Variants in CENPP observed in about 807,000 individuals in gnomAD.
The protein encoded by CENPP is centromere protein P.
CENPP carries 24 observed loss-of-function variants against 35.6 expected under a neutral mutation model. The observed-to-expected ratio is 0.67, with a 90% CI of 0.49 to 0.95. CENPP has a LOEUF of 0.95. Among genes scored for constraint, CENPP ranks in the 40% least tolerant of loss-of-function variants. The pLI is 0.00. For synonymous variants in CENPP, 120 were observed against 125.5 expected (o/e 0.96, Z 0.29); for missense variants, 332 against 345.3 (o/e 0.96, Z 0.31).
At chr9:92,533,171 G>A (rs1008478507) in intron 5 of CENPP, among the ~76,000 whole-genome samples, 17 of 150,226 alleles carry the variant, frequency 1.1e-4, no homozygotes, top group African/African-American at 3.7e-4. Flanking sequence ...GTGGTGGCAC[G>A]CGCGTGTAGT....
At chr9:92,557,659 T>A (rs1378838816) in intron 5 of CENPP, among the ~76,000 whole-genome samples, 1 of 152,162 alleles carries the variant, frequency 6.6e-6, no homozygotes, top group Non-Finnish European at 1.5e-5. Context: ...TTGTTTGTGT[T>A]TTGAGACAGA....
At chr9:92,405,825 T>G (rs893964343) in intron 5 of CENPP, among the ~76,000 whole-genome samples, 1 of 152,228 alleles carries the variant, frequency 6.6e-6, no homozygotes, top group Non-Finnish European at 1.5e-5. Context: ...TTATGACCAG[T>G]GAATACAATG....
intron 5 of CENPP, among the ~76,000 whole-genome samples, chr9:92,532,025 T>TTTG (rs1563990286): frequency 6.4e-5 from 8 of 125,828 alleles, no homozygotes. Context: ...GTTTTTTTTT[T>TTTG]TTTATTTTAT....
chr9:92,492,622 C>A, intron 5 of CENPP, among the ~76,000 whole-genome samples: 1 of 152,198 alleles, frequency 6.6e-6, no homozygotes, highest in East Asian at 1.9e-4. Context: ...GTAACACCTG[C>A]CATACCACAT....
intron 5 of CENPP, among the ~76,000 whole-genome samples, chr9:92,519,290 C>CT (rs1237607044): frequency 6.6e-6 from 1 of 152,116 alleles, no homozygotes; most frequent in Non-Finnish European, 1.5e-5. Context: ...TTTCCATGGC[C>CT]TTTTTTTGCA....
chr9:92,552,049 G>T lies in CENPP; in HGVS notation c.565-59265G>T, dbSNP rs1049453554. On this transcript the variant is annotated intron_variant, in intron 5 of 7. Coordinates refer to ENST00000375587, the MANE Select transcript of CENPP (RefSeq NM_001012267.3). ...ATCTATCATATATGTGATATTATAG[G>T]TCTATCATATATGTGATATGATAGA... is the stretch of plus-strand genomic sequence containing the variant. Among the ~76,000 whole-genome samples, 2 of 81,866 alleles carry T rather than the reference G, an allele frequency of 2.4e-5. 1 individual carries two copies. Among genetic ancestry groups the T allele is most frequent in the East Asian group, 4.6e-4 (2 of 4,352 alleles). 53.7% of individuals were successfully genotyped at this position (81,866 alleles called of 152,430 possible). A position where few individuals can be genotyped will look rare whatever the true frequency, so the allele number is the denominator to read the frequency against.
chr9:92,561,254 A>T (rs1849840970), intron 5 of CENPP, among the ~76,000 whole-genome samples: 1 of 152,162 alleles, frequency 6.6e-6, no homozygotes, highest in Admixed American at 6.6e-5. Flanking sequence ...GCACATCTAT[A>T]AGAACAAGAC....
intron 5 of CENPP, among the ~76,000 whole-genome samples, chr9:92,396,652 C>T (rs1182703023): frequency 1.3e-5 from 2 of 151,506 alleles, no homozygotes; most frequent in Non-Finnish European, 2.9e-5. Context: ...CAAACCTCGA[C>T]CTCCTGGGCT....
chr9:92,352,732 T>C (rs1377211636), intron 4 of CENPP, among the ~76,000 whole-genome samples: 1 of 151,182 alleles, frequency 6.6e-6, no homozygotes, highest in Admixed American at 6.6e-5. Context: ...GTCTAACCTT[T>C]TCATGTGTTT....
At chr9:92,575,244 G>A (rs554594273) in intron 5 of CENPP, among the ~76,000 whole-genome samples, 2 of 152,282 alleles carry the variant, frequency 1.3e-5, no homozygotes, top group African/African-American at 4.8e-5. Flanking sequence ...TGTACTAACA[G>A]ACATTATGAA....
At chr9:92,539,918 C>G (rs528435937) in intron 5 of CENPP, among the ~76,000 whole-genome samples, 1 of 152,022 alleles carries the variant, frequency 6.6e-6, no homozygotes, top group Non-Finnish European at 1.5e-5. Context: ...AGTTTGTGTA[C>G]GCATTTCCAG....
chr9:92,401,200 A>G (rs1283517841), intron 5 of CENPP: 14 of 1,165,058 alleles, frequency 1.2e-5, no homozygotes, highest in Non-Finnish European at 1.7e-5. Flanking sequence ...TGGAAAAATA[A>G]AAGTTTGTTA....
chr9:92,406,519 C>CA (rs1369413113), intron 5 of CENPP, among the ~76,000 whole-genome samples: 3 of 152,118 alleles, frequency 2.0e-5, no homozygotes, highest in Non-Finnish European at 4.4e-5. Flanking sequence ...AAAACTACCA[C>CA]AAAGGAATGG....
At chr9:92,510,514 G>A (rs1226145767) in intron 5 of CENPP, among the ~76,000 whole-genome samples, 1 of 152,198 alleles carries the variant, frequency 6.6e-6, no homozygotes, top group African/African-American at 2.4e-5. Flanking sequence ...ACTAATTACT[G>A]TGGAAATTTT....
intron 5 of CENPP, among the ~76,000 whole-genome samples, chr9:92,427,642 G>A (rs1844001896): frequency 6.6e-6 from 1 of 151,568 alleles, no homozygotes; most frequent in African/African-American, 2.4e-5. Context: ...CACCATGTCT[G>A]GCTAATTTTG....
intron 5 of CENPP, among the ~76,000 whole-genome samples, chr9:92,497,704 ACCC>A (rs1055610908): frequency 3.3e-5 from 5 of 150,712 alleles, no homozygotes. Flanking sequence ...GGTTTTTTTG[ACCC>A]CTCCAAATCT....
intron 5 of CENPP, among the ~76,000 whole-genome samples, chr9:92,559,612 A>G (rs967022124): frequency 6.6e-6 from 1 of 152,144 alleles, no homozygotes; most frequent in South Asian, 2.1e-4. Context: ...CTCTGGAGCT[A>G]TAATCTAGTC....
chr9:92,337,484 A>G, intron 2 of CENPP, 57 bp from the exon 3 acceptor site: 1 of 955,750 alleles, frequency 1.0e-6, no homozygotes, highest in Non-Finnish European at 1.7e-6. Flanking sequence ...ATTAAATAAT[A>G]CACATTTGAA....
chr9:92,469,071 A>C (rs759771556), intron 5 of CENPP, among the ~76,000 whole-genome samples: 2 of 152,204 alleles, frequency 1.3e-5, no homozygotes, highest in African/African-American at 2.4e-5. Flanking sequence ...AACAGGCTAT[A>C]TTTCCAACTT....
Sources: gnomAD v4.1 joint callset for allele counts (sites outside exome capture counted in the v4.1 genomes callset) on GRCh38, gnomAD v4.1.1 for gene constraint, MANE v1.5 for transcripts, NCBI Gene and HGNC (gene_info 2026-07-23, HGNC 2026-07-21) for gene names.